Variants in FHIT observed in about 807,000 individuals in gnomAD.
FHIT encodes fragile histidine triad diadenosine triphosphatase.
A neutral mutation model predicts 17.9 loss-of-function variants in FHIT; 19 were observed. The ratio of observed to expected loss-of-function variants is 1.06; its 90% CI spans 0.74 to 1.56. The LOEUF is 1.56. Among genes scored for constraint, FHIT ranks in the 40% most tolerant of loss-of-function variants. FHIT has a pLI of 0.00. For missense variants in FHIT, 248 were observed against 189.2 expected, an observed-to-expected ratio of 1.31 and a Z score of -1.82; for synonymous variants, 81 against 69.7, an observed-to-expected ratio of 1.16 and a Z score of -0.81.
chr3:60,341,314 G>T (rs147018743), intron 5 of FHIT, among the ~76,000 whole-genome samples: 1 of 152,156 alleles, frequency 6.6e-6, no homozygotes, highest in East Asian at 1.9e-4. Flanking sequence ...ATTTTAAAGG[G>T]TTAAATAACC....
chr3:59,973,902 T>C (rs1305448448), intron 7 of FHIT, among the ~76,000 whole-genome samples: 2 of 151,912 alleles, frequency 1.3e-5, no homozygotes, highest in African/African-American at 2.4e-5. Context: ...CTTGTGGTAC[T>C]ATTAAGTAGG....
chr3:60,884,761 T>A (rs1048669886), intron 3 of FHIT, among the ~76,000 whole-genome samples: 1 of 151,528 alleles, frequency 6.6e-6, no homozygotes, highest in African/African-American at 2.4e-5. Flanking sequence ...CAAGATTCTA[T>A]CTCTATAAAA....
At chr3:61,188,371 G>C (rs1170071247) in intron 2 of FHIT, among the ~76,000 whole-genome samples, 1 of 152,106 alleles carries the variant, frequency 6.6e-6, no homozygotes, top group East Asian at 1.9e-4. Flanking sequence ...AACCTCCCAA[G>C]ACTAAACCAG....
rs1188156743 is a variant in FHIT at position 61,025,057 on chromosome 3, T to C, written c.-111+16990A>G. On this transcript the variant is annotated intron_variant, in intron 3 of 9. Coordinates refer to ENST00000492590, the MANE Select transcript of FHIT (RefSeq NM_002012.4). The stretch of plus-strand genomic sequence containing the variant: ...TCTCCATTTCCAGTTAGACATTGTG[T>C]TTTCATCCCTATATAGCTTGCCTAC... Among the ~76,000 whole-genome samples the C allele has an allele frequency of 2.0e-5, 3 of 152,176 alleles. No homozygotes were observed. The East Asian group carries it at 5.8e-4, about 29-fold the overall frequency.
At chr3:60,162,944 C>T (rs1701003709) in intron 5 of FHIT, among the ~76,000 whole-genome samples, 1 of 152,176 alleles carries the variant, frequency 6.6e-6, no homozygotes, top group African/African-American at 2.4e-5. Context: ...ACAAAACTAG[C>T]AAGTTCTTCC....
chr3:60,199,260 CAT>C (rs1348695352), intron 5 of FHIT, among the ~76,000 whole-genome samples: 3 of 152,168 alleles, frequency 2.0e-5, no homozygotes, highest in Non-Finnish European at 2.9e-5. Flanking sequence ...TAATCTAGAA[CAT>C]ATAGACAGCT....
At chr3:60,103,934 T>G (rs1453303273) in intron 5 of FHIT, among the ~76,000 whole-genome samples, 2 of 152,186 alleles carry the variant, frequency 1.3e-5, no homozygotes, top group African/African-American at 4.8e-5. Flanking sequence ...TTAGAAAGCT[T>G]ATCTGCTTTC....
chr3:59,860,460 G>C (rs678981), intron 8 of FHIT, among the ~76,000 whole-genome samples: 2 of 152,116 alleles, frequency 1.3e-5, no homozygotes, highest in African/African-American at 4.8e-5. Flanking sequence ...AAGGATGTTG[G>C]AGAAAAGTTG....
In FHIT at chr3:60,389,865, G is replaced by C. The variant is rs1701153596; in HGVS notation, c.103+146995C>G. Among the ~76,000 whole-genome samples, 3 of 151,992 alleles carry C rather than the reference G, an allele frequency of 2.0e-5. 1 individual carries two copies. In the South Asian group the frequency reaches 6.2e-4, roughly 32 times the overall value. ...TTTCCTGCATCATATATAAACCACT[G>C]TCCACCTCCACATTTTTCCCTCTTA... On this transcript the variant is annotated intron_variant, in intron 5 of 9. Transcript: ENST00000492590.
chr3:60,130,826 G>GTGTGTGT (rs1199459927), intron 5 of FHIT, among the ~76,000 whole-genome samples: 9 of 75,520 alleles, frequency 1.2e-4, no homozygotes, highest in Non-Finnish European at 1.9e-4. Flanking sequence ...TGTGTGTATA[G>GTGTGTGT]GTGTGTACAT....
intron 5 of FHIT, among the ~76,000 whole-genome samples, chr3:60,172,102 T>A (rs1701445272): frequency 6.6e-6 from 1 of 152,006 alleles, no homozygotes; most frequent in Non-Finnish European, 1.5e-5. Context: ...AACAAGCACA[T>A]AAGTTTCTTA....
chr3:61,194,183 A>T (rs964596821), intron 2 of FHIT, among the ~76,000 whole-genome samples: 2 of 152,110 alleles, frequency 1.3e-5, no homozygotes, highest in African/African-American at 4.8e-5. Context: ...GAAGAGAGTG[A>T]CTTTTCTAGG....
chr3:60,407,855 T>A (rs906441969), intron 5 of FHIT, among the ~76,000 whole-genome samples: 2 of 152,158 alleles, frequency 1.3e-5, no homozygotes, highest in African/African-American at 4.8e-5. Context: ...CACACATAAA[T>A]TTTTCAAATA....
chr3:60,795,331 C>A (rs1700940403), intron 4 of FHIT, among the ~76,000 whole-genome samples: 3 of 152,098 alleles, frequency 2.0e-5, no homozygotes. Context: ...TTGATAACTG[C>A]TTCAGATTTT....
intron 5 of FHIT, among the ~76,000 whole-genome samples, chr3:60,489,786 G>A (rs113883037): frequency 0.011 from 1,686 of 152,248 alleles, 31 homozygotes; most frequent in African/African-American, 0.038. Context: ...TTTGGCAGGA[G>A]GGCCTGTGCC....
At chr3:60,045,412 G>A (rs533420585) in intron 5 of FHIT, among the ~76,000 whole-genome samples, 1 of 152,006 alleles carries the variant, frequency 6.6e-6, no homozygotes, top group East Asian at 2.0e-4. Context: ...TTTGTGCAGG[G>A]AAACTCCCCC....
chr3:61,119,963 T>A (rs1382452820), intron 2 of FHIT, among the ~76,000 whole-genome samples: 4 of 152,216 alleles, frequency 2.6e-5, no homozygotes, highest in Non-Finnish European at 5.9e-5. Flanking sequence ...TCCACCTCCA[T>A]AATCAAATGA....
chr3:60,808,465 G>A (rs1386671569), intron 4 of FHIT, among the ~76,000 whole-genome samples: 1 of 152,050 alleles, frequency 6.6e-6, no homozygotes, highest in African/African-American at 2.4e-5. Context: ...TTCTTTGAGA[G>A]GCTCAACCCC....
chr3:60,381,300 A>C (rs902243381), intron 5 of FHIT, among the ~76,000 whole-genome samples: 1 of 152,074 alleles, frequency 6.6e-6, no homozygotes, highest in African/African-American at 2.4e-5. Flanking sequence ...CAGCATGTTG[A>C]AACCCTATCT....
Sources: allele counts gnomAD v4.1 joint callset (sites outside exome capture counted in the v4.1 genomes callset), GRCh38; gene constraint gnomAD v4.1.1; transcripts MANE v1.5; gene names NCBI Gene and HGNC (gene_info 2026-07-23, HGNC 2026-07-21).